The following ARHGEF28 variants were observed in gnomAD, a reference collection of about 807,000 sequenced individuals.
ARHGEF28 encodes the protein Rho guanine nucleotide exchange factor 28.
A neutral mutation model predicts 206.6 loss-of-function variants in ARHGEF28; 152 were observed. The observed-to-expected ratio is 0.74, with a 90% CI of 0.64 to 0.84. The LOEUF is 0.84. ARHGEF28 is among the 40% of genes least tolerant of loss of function. The pLI is 0.00. For missense variants in ARHGEF28, 2,028 were observed against 2,073.2 expected (o/e 0.98, Z 0.42); for synonymous variants, 763 against 776.4 (o/e 0.98, Z 0.29).
At chr5:73,648,055 CT>C (rs1283675805) in intron 1 of ARHGEF28, among the ~76,000 whole-genome samples, 1 of 152,170 alleles carries the variant, frequency 6.6e-6, no homozygotes, top group East Asian at 1.9e-4. Context: ...TGTTTTGACT[CT>C]TATCCATCAA....
chr5:73,852,883 T>A (rs1758792498), intron 14 of ARHGEF28, among the ~76,000 whole-genome samples, 191 bp downstream of exon 14: 2 of 152,248 alleles, frequency 1.3e-5, no homozygotes, highest in Admixed American at 1.3e-4. Flanking sequence ...AGTCCTTGGC[T>A]GTGCAGGCCT....
chr5:73,919,831 C>T (rs999887812), intron 35 of ARHGEF28, among the ~76,000 whole-genome samples: 1 of 152,142 alleles, frequency 6.6e-6, no homozygotes, highest in Non-Finnish European at 1.5e-5. Context: ...GGTTCAGCAT[C>T]GCCAGAAAGC....
intron 2 of ARHGEF28, among the ~76,000 whole-genome samples, chr5:73,705,134 G>T (rs1375110222): frequency 6.6e-6 from 1 of 152,132 alleles, no homozygotes. Context: ...TCTATAGGTG[G>T]CAATTAACCC....
intron 1 of ARHGEF28, among the ~76,000 whole-genome samples, chr5:73,677,425 C>T (rs1462581486): frequency 8.5e-5 from 13 of 152,084 alleles, no homozygotes; most frequent in Middle Eastern, 3.2e-3. Flanking sequence ...CAATGTTTAT[C>T]GACATATTCA....
intron 35 of ARHGEF28, among the ~76,000 whole-genome samples, chr5:73,928,776 C>T (rs993425611): frequency 2.0e-5 from 3 of 152,082 alleles, no homozygotes; most frequent in Non-Finnish European, 2.9e-5. Flanking sequence ...AGGCCGCTCC[C>T]CAGAAAGTTG....
At chr5:73,748,470 A>G (rs1751857466) in intron 2 of ARHGEF28, among the ~76,000 whole-genome samples, 1 of 152,210 alleles carries the variant, frequency 6.6e-6, no homozygotes. Context: ...ACTGAGATTA[A>G]ATAACCATGT....
chr5:73,782,803 T>G (rs1753924190), intron 7 of ARHGEF28, among the ~76,000 whole-genome samples: 2 of 152,244 alleles, frequency 1.3e-5, no homozygotes, highest in South Asian at 4.1e-4. Context: ...TCACTTTTAC[T>G]GCTGTACCTG....
Position 73,877,098 on chromosome 5 carries a change from C to G in ARHGEF28, c.2814+3852C>G, listed in dbSNP as rs1446244775. ...CTATTGATTATTGCCCCAATTTCAG[C>G]TCCTGTTATTGGTCTATTCAGAGAT... On this transcript the variant is annotated intron_variant, in intron 22 of 35. Coordinates refer to ENST00000513042, the MANE Select transcript of ARHGEF28 (RefSeq NM_001177693.2). Among the ~76,000 whole-genome samples, 2 of 121,552 alleles carry G rather than the reference C, an allele frequency of 1.6e-5. 1 individual carries two copies. The highest frequency in any genetic ancestry group is 3.5e-5 in the Non-Finnish European group (2 of 57,146). The allele number at this position is 121,552 out of a possible 152,430, so 79.7% of individuals were successfully genotyped here.
At position 73,754,004 on chromosome 5, in the gene ARHGEF28, A is replaced by G. The variant is rs181879529; in HGVS notation, c.475+802A>G. On this transcript the variant is annotated intron_variant, in intron 4 of 35. Transcript: ENST00000513042. ...TTTTATTGGTGATTACAAGTTATAT[A>G]TAATTTTATTGGAAATACACAAATG... Among the ~76,000 whole-genome samples the G allele has an allele frequency of 2.1e-3, 321 of 152,274 alleles. 1 individual carries two copies. The highest frequency in any genetic ancestry group is 7.0e-3 in the African/African-American group (292 of 41,550).
In ARHGEF28 at chr5:73,832,348, C is replaced by T. The variant is rs374033565; in HGVS notation, c.1035C>T (p.Phe345=). Residue 345 remains phenylalanine, a synonymous_variant, in exon 10 of 36, where the codon TTC becomes TTT. Transcript: ENST00000513042. ...DQHSLDLDRS[F]DILKKSKPPS... The stretch of plus-strand genomic sequence containing the variant: ...ATTTTTGTACTCTAGATCGCTCCTT[C>T]GATATCCTAAAAAAATCCAAGCCGC... 40 of 1,612,500 alleles carry T rather than the reference C, an allele frequency of 2.5e-5. No individual in the cohort carries two copies. The highest frequency in any genetic ancestry group is 1.7e-4 in the African/African-American group (13 of 74,910).
intron 12 of ARHGEF28, among the ~76,000 whole-genome samples, chr5:73,848,011 G>A (rs548987314): frequency 7.9e-5 from 12 of 152,196 alleles, no homozygotes; most frequent in Non-Finnish European, 1.8e-4. Flanking sequence ...TTTCCTTAGA[G>A]GAAACAAAAG....
intron 29 of ARHGEF28, among the ~76,000 whole-genome samples, 198 bp from the exon 30 acceptor site, chr5:73,897,764 G>GGTGT (rs1003892972): frequency 1.3e-5 from 2 of 151,994 alleles, no homozygotes; most frequent in African/African-American, 4.8e-5. Context: ...CAGTCTCTGG[G>GGTGT]GTGTGTGTGT....
At chr5:73,917,441 G>A (rs1014882971) in intron 35 of ARHGEF28, among the ~76,000 whole-genome samples, 29 of 152,180 alleles carry the variant, frequency 1.9e-4, no homozygotes, top group Non-Finnish European at 7.3e-5. Flanking sequence ...TTAGCCTTTT[G>A]CAGATTTTAT....
chr5:73,828,272 C>G (rs1561435171), intron 9 of ARHGEF28, among the ~76,000 whole-genome samples: 1 of 152,124 alleles, frequency 6.6e-6, no homozygotes, highest in African/African-American at 2.4e-5. Flanking sequence ...AGTGGTGGTC[C>G]TGTTAGTCTG....
At chr5:73,641,314 A>G (rs571710387) in intron 1 of ARHGEF28, among the ~76,000 whole-genome samples, 1 of 152,060 alleles carries the variant, frequency 6.6e-6, no homozygotes, top group South Asian at 2.1e-4. Context: ...CCCAAGCATT[A>G]GTCTCTTCTA....
At chr5:73,788,125 GA>G (rs111338464) in intron 7 of ARHGEF28, among the ~76,000 whole-genome samples, 2 of 151,784 alleles carry the variant, frequency 1.3e-5, no homozygotes, top group Admixed American at 6.6e-5. Context: ...AGCCTAGAGA[GA>G]AAAAAAAGTA....
chr5:73,675,732 C>CAAAAAAAAA (rs35836692), intron 1 of ARHGEF28, among the ~76,000 whole-genome samples: 70 of 49,408 alleles, frequency 1.4e-3, no homozygotes, highest in East Asian at 2.5e-3. Context: ...GACTCTGTCT[C>CAAAAAAAAA]AAAAAAAAAA....
intron 9 of ARHGEF28, chr5:73,813,814 C>A: frequency 3.7e-6 from 3 of 811,330 alleles, no homozygotes; most frequent in Non-Finnish European, 5.5e-6. Flanking sequence ...TGTACAGATA[C>A]ATATAGGTTT....
intron 4 of ARHGEF28, among the ~76,000 whole-genome samples, chr5:73,760,511 CCTT>C (rs1284904035): frequency 1.3e-5 from 2 of 152,112 alleles, no homozygotes; most frequent in Non-Finnish European, 1.5e-5. Context: ...GTAGTATACT[CCTT>C]CTGTTGCTAA....
Sources: allele counts gnomAD v4.1 joint callset (sites outside exome capture counted in the v4.1 genomes callset), GRCh38; gene constraint gnomAD v4.1.1; transcripts MANE v1.5; gene names NCBI Gene and HGNC (gene_info 2026-07-23, HGNC 2026-07-21).